The following ABL1 variants were observed in gnomAD, a reference collection of about 807,000 sequenced individuals.
ABL1 encodes the protein ABL proto-oncogene 1, non-receptor tyrosine kinase, also known as tyrosine-protein kinase ABL1.
In ABL1, 11 loss-of-function variants were observed where a neutral mutation model predicts 94.7. The ratio of observed to expected loss-of-function variants is 0.12; its 90% CI spans 0.07 to 0.19. The LOEUF is 0.19. ABL1 is among the 10% of genes least tolerant of loss of function. ABL1 has a pLI of 1.00. For missense variants in ABL1, 1,082 were observed against 1,489.4 expected, an observed-to-expected ratio of 0.73 and a Z score of 4.50; for synonymous variants, 656 against 622.4, an observed-to-expected ratio of 1.05 and a Z score of -0.80.
intron 1 of ABL1, among the ~76,000 whole-genome samples, chr9:130,794,046 G>A (rs904154311): frequency 6.6e-6 from 1 of 152,040 alleles, no homozygotes; most frequent in Non-Finnish European, 1.5e-5. Flanking sequence ...ACAGTGGGTT[G>A]TATAATTATT....
intron 1 of ABL1, among the ~76,000 whole-genome samples, chr9:130,726,096 C>T (rs1259637850): frequency 6.6e-6 from 1 of 151,924 alleles, no homozygotes; most frequent in African/African-American, 2.4e-5. Context: ...GGTGATACTC[C>T]TGCCTCAACC....
chr9:130,744,278 G>A (rs148497420), intron 1 of ABL1, among the ~76,000 whole-genome samples: 1,855 of 151,806 alleles, frequency 0.012, 33 homozygotes, highest in African/African-American at 0.043. Flanking sequence ...GAGTAACTGG[G>A]ACTACAGGCG....
chr9:130,716,323 T>C (rs757859345), intron 1 of ABL1, among the ~76,000 whole-genome samples: 4 of 152,074 alleles, frequency 2.6e-5, no homozygotes, highest in Admixed American at 1.3e-4. Flanking sequence ...TCCTGAACTC[T>C]TGACCTCAGG....
intron 3 of ABL1, among the ~76,000 whole-genome samples, chr9:130,859,560 C>T (rs1831030895): frequency 6.6e-6 from 1 of 151,280 alleles, no homozygotes; most frequent in African/African-American, 2.4e-5. Flanking sequence ...AACCTGTAAA[C>T]AGTATGTCTG....
intron 1 of ABL1, among the ~76,000 whole-genome samples, chr9:130,792,346 C>T (rs1299521886): frequency 6.6e-6 from 1 of 152,194 alleles, no homozygotes; most frequent in Non-Finnish European, 1.5e-5. Flanking sequence ...CACATGGTAG[C>T]TCGCATGGTA....
chr9:130,851,261 T>C (rs1052057133), intron 1 of ABL1, among the ~76,000 whole-genome samples: 9 of 152,196 alleles, frequency 5.9e-5, no homozygotes, highest in South Asian at 4.1e-4. Flanking sequence ...GCCAAACATA[T>C]GACTAAGCTT....
chr9:130,784,613 C>T (rs1284891995), intron 1 of ABL1, among the ~76,000 whole-genome samples: 1 of 152,172 alleles, frequency 6.6e-6, no homozygotes, highest in Non-Finnish European at 1.5e-5. Context: ...ATGCTTGCTG[C>T]CTTTGCTCAT....
intron 8 of ABL1, among the ~76,000 whole-genome samples, chr9:130,878,874 AT>A (rs943552961): frequency 0.096 from 12,232 of 127,212 alleles, 405 homozygotes; most frequent in Middle Eastern, 0.19. Flanking sequence ...TCATGAGGTG[AT>A]TTTTTTTTTT....
chr9:130,787,270 T>C (rs1394600317), intron 1 of ABL1, among the ~76,000 whole-genome samples: 4 of 152,160 alleles, frequency 2.6e-5, no homozygotes, highest in African/African-American at 9.6e-5. Flanking sequence ...GCAGGTACTG[T>C]GTGCCTGGAC....
intron 1 of ABL1, among the ~76,000 whole-genome samples, chr9:130,847,053 A>G (rs1830784122): frequency 6.6e-6 from 1 of 151,888 alleles, no homozygotes; most frequent in African/African-American, 2.4e-5. Context: ...GGTTTGAGGC[A>G]TTTTTTAGAT....
At chr9:130,770,533 C>T (rs1832239525) in intron 1 of ABL1, among the ~76,000 whole-genome samples, 1 of 152,182 alleles carries the variant, frequency 6.6e-6, no homozygotes, top group African/African-American at 2.4e-5. Flanking sequence ...ATTGACAATA[C>T]AGTCTTCTTC....
At chr9:130,766,704 A>C (rs746426536) in intron 1 of ABL1, among the ~76,000 whole-genome samples, 2 of 151,994 alleles carry the variant, frequency 1.3e-5, no homozygotes, top group Non-Finnish European at 2.9e-5. Flanking sequence ...CGATACAGTC[A>C]CAAGTGCCTA....
chr9:130,741,819 T>C (rs918859685), intron 1 of ABL1, among the ~76,000 whole-genome samples: 1 of 152,198 alleles, frequency 6.6e-6, no homozygotes, highest in Non-Finnish European at 1.5e-5. Context: ...ATTTCCAACC[T>C]AGTGTAGAGA....
chr9:130,722,095 A>C (rs1245440887), intron 1 of ABL1, among the ~76,000 whole-genome samples: 2 of 151,572 alleles, frequency 1.3e-5, no homozygotes, highest in African/African-American at 4.8e-5. Flanking sequence ...CGATTCTCAA[A>C]GAGGTTATTT....
chr9:130,783,901 C>G (rs1829791293), intron 1 of ABL1, among the ~76,000 whole-genome samples: 3 of 152,030 alleles, frequency 2.0e-5, no homozygotes, highest in Admixed American at 2.0e-4. Context: ...GGTGATCTGC[C>G]CACCTCGGCC....
intron 1 of ABL1, among the ~76,000 whole-genome samples, chr9:130,798,966 C>CAAAAAAAAAA (rs71389357): frequency 0.11 from 6,989 of 65,832 alleles, 441 homozygotes; most frequent in Admixed American, 0.11. Context: ...GACTCCGTCT[C>CAAAAAAAAAA]AAAAAAAAAA....
chr9:130,722,571 C>G lies in ABL1; in HGVS notation c.136+8116C>G, dbSNP rs1234050442. Among the ~76,000 whole-genome samples, 4 of 152,122 alleles carry G rather than the reference C, an allele frequency of 2.6e-5. No homozygotes were observed. The South Asian group carries it at 8.3e-4, about 31-fold the overall frequency. On this transcript the variant is annotated intron_variant, in intron 1 of 10. Coordinates refer to the ABL1 transcript ENST00000372348. ...GTGGCACAGTCATAGCTCACTGCAGCCTTGAACTCCTGGGCTCCAGTGATC... is the reference window on the plus strand; with the variant it reads ...GTGGCACAGTCATAGCTCACTGCAGGCTTGAACTCCTGGGCTCCAGTGATC...
intron 1 of ABL1, among the ~76,000 whole-genome samples, chr9:130,728,548 G>A (rs1385128422): frequency 6.6e-6 from 1 of 151,462 alleles, no homozygotes; most frequent in African/African-American, 2.4e-5. Context: ...ACCACGCCCG[G>A]CTAATTTTTT....
At chr9:130,755,409 G>A (rs936949335) in intron 1 of ABL1, among the ~76,000 whole-genome samples, 16 of 152,150 alleles carry the variant, frequency 1.1e-4, no homozygotes, top group Admixed American at 5.9e-4. Flanking sequence ...CAGAAGGTGA[G>A]GCTTTGCTTG....
Sources: gnomAD v4.1 joint callset for allele counts (sites outside exome capture counted in the v4.1 genomes callset) on GRCh38, gnomAD v4.1.1 for gene constraint, MANE v1.5 for transcripts, NCBI Gene and HGNC (gene_info 2026-07-23, HGNC 2026-07-21) for gene names.